AGO2: variants seen among roughly 807,000 people sequenced by gnomAD.
AGO2 encodes protein argonaute-2.
Under a neutral mutation model 102.3 loss-of-function variants are expected in AGO2, and 5 were observed. That is an observed-to-expected ratio of 0.05 (90% CI 0.03 to 0.10). The LOEUF (loss-of-function observed/expected upper bound fraction) is 0.10. Among genes scored for constraint, AGO2 ranks in the 10% least tolerant of loss-of-function variants. The probability of loss-of-function intolerance (pLI) is 1.00; values close to 1 mark genes in which losing one functional copy is unlikely to be tolerated. For synonymous variants in AGO2, 449 were observed against 473.1 expected, an observed-to-expected ratio of 0.95 and a Z score of 0.66; for missense variants, 541 against 1,183.7, an observed-to-expected ratio of 0.46 and a Z score of 7.97.
At chr8:140,621,933 T>C (rs2074222356) in intron 1 of AGO2, among the ~76,000 whole-genome samples, 1 of 152,004 alleles carries the variant, frequency 6.6e-6, no homozygotes, top group South Asian at 2.1e-4. Flanking sequence ...CCATGAGAAA[T>C]GAACACACAC....
At chr8:140,592,585 A>C (rs1303174629) in intron 1 of AGO2, 1 of 152,242 alleles carries the variant, frequency 6.6e-6, no homozygotes, top group African/African-American at 2.4e-5. Flanking sequence ...TTTAGGACAA[A>C]ACCATAAGGT....
In AGO2 at chr8:140,557,006, G is replaced by A. The variant is rs185536866; in HGVS notation, c.1026+83C>T. On this transcript the variant is annotated intron_variant, in intron 8 of 18. Transcript: ENST00000220592. The surrounding 1 kb of genome is among the most constrained non-coding windows in gnomAD (Gnocchi z 5.9). ...GCCATTTGTATCTGACTGGGGCCTC[G>A]GCGGTTTCTCGAAGCTGCATGCCCC... 109 of 1,515,142 alleles carry A rather than the reference G, an allele frequency of 7.2e-5. No individual in the cohort carries two copies. The highest frequency in any genetic ancestry group is 3.9e-4 in the East Asian group (17 of 43,710). 93.9% of individuals were successfully genotyped at this position (1,515,142 alleles called of 1,614,324 possible).
intron 1 of AGO2, among the ~76,000 whole-genome samples, chr8:140,628,775 T>C (rs2074306058): frequency 6.9e-6 from 1 of 145,604 alleles, no homozygotes; most frequent in South Asian, 2.2e-4. Flanking sequence ...AAAATAATAA[T>C]AGCAGCAACA....
chr8:140,533,032 T>C (rs1387152318), intron 17 of AGO2, among the ~76,000 whole-genome samples: 2 of 147,644 alleles, frequency 1.4e-5, no homozygotes, highest in Non-Finnish European at 3.0e-5. Context: ...TAACTACATA[T>C]AGTAAATGGC....
chr8:140,570,472 C>T (rs1343844791), intron 3 of AGO2, among the ~76,000 whole-genome samples: 6 of 152,252 alleles, frequency 3.9e-5, no homozygotes, highest in African/African-American at 9.6e-5. Flanking sequence ...TCAAGTGATC[C>T]GCCTGCCTCG....
At chr8:140,543,852 G>A (rs1381770311) in intron 14 of AGO2, among the ~76,000 whole-genome samples, 2 of 152,166 alleles carry the variant, frequency 1.3e-5, no homozygotes. Flanking sequence ...TCTGGGGTTC[G>A]GGGCTGTGTC....
At chr8:140,571,815 A>G in intron 3 of AGO2, among the ~76,000 whole-genome samples, 1 of 152,194 alleles carries the variant, frequency 6.6e-6, no homozygotes, top group Non-Finnish European at 1.5e-5. Context: ...GCACGATATC[A>G]GCTCACCATA....
intron 1 of AGO2, among the ~76,000 whole-genome samples, chr8:140,631,510 C>T (rs1673284919): frequency 6.7e-6 from 1 of 149,652 alleles, no homozygotes; most frequent in Non-Finnish European, 1.5e-5. Flanking sequence ...GCACTTCAGC[C>T]TGGGTGACAG....
chr8:140,580,664 G>T (rs1010339347), intron 2 of AGO2, among the ~76,000 whole-genome samples: 3 of 152,218 alleles, frequency 2.0e-5, no homozygotes, highest in Non-Finnish European at 4.4e-5. Context: ...ATGTGTGAGC[G>T]GGGGGTCTCA....
chr8:140,539,600 G>A lies in AGO2; in HGVS notation c.2035-146C>T, dbSNP rs2072759309. 1.1e-6 allele frequency: 1 copy of A among 933,740 alleles called. No homozygotes were observed. The highest frequency in any genetic ancestry group is 1.6e-6 in the Non-Finnish European group (1 of 634,038). 57.8% of individuals were successfully genotyped at this position (933,740 alleles called of 1,614,324 possible). ...TGTTCACGGGGAGGTGAAAACACGGGGGCAGAAACCATCCTCTCTGCAGGG... is the reference window on the plus strand; with the variant it reads ...TGTTCACGGGGAGGTGAAAACACGGAGGCAGAAACCATCCTCTCTGCAGGG... On this transcript the variant is annotated intron_variant, in intron 15 of 18. Coordinates refer to ENST00000220592, the MANE Select transcript of AGO2 (RefSeq NM_012154.5). This position sits in a 1 kb window ranked among gnomAD's most constrained non-coding sequence, Gnocchi z 4.7.
chr8:140,603,449 G>A (rs1262889752), intron 1 of AGO2, among the ~76,000 whole-genome samples: 1 of 152,180 alleles, frequency 6.6e-6, no homozygotes, highest in African/African-American at 2.4e-5. Flanking sequence ...CCACACTGTT[G>A]TGTAACCAAC....
intron 8 of AGO2, 145 bp downstream of exon 8, chr8:140,556,944 A>C (rs2073106259): frequency 2.4e-6 from 3 of 1,244,344 alleles, no homozygotes; most frequent in Non-Finnish European, 3.4e-6. Flanking sequence ...AACAAAGCCC[A>C]TTAACCCACC....
In AGO2 at chr8:140,556,233, C is replaced by T. The variant is rs1050206392; in HGVS notation, c.1080G>A (p.Gln360=). 8 of 1,614,212 alleles carry T rather than the reference C, an allele frequency of 5.0e-6. No individual in the cohort carries two copies. The highest frequency in any genetic ancestry group is 2.2e-5 in the South Asian group (2 of 91,084). The part of the protein sequence containing the change: ...QRCIKKLTDN[Q]TSTMIRATAR... ...CAGTCGCTCTGATCATGGTTGAGGT[C>T]TGATTGTCCGTTAATTTTTTAATAC... The change falls in exon 9 of 19, where the codon CAG becomes CAA. Residue 360 remains glutamine (Q), a synonymous_variant. Coordinates refer to ENST00000220592, the MANE Select transcript of AGO2 (RefSeq NM_012154.5).
rs2072392230 is a variant in AGO2 at position 140,520,171 on chromosome 8, TTTTA to T, written c.*11869_*11872del. 6.6e-6 allele frequency: 1 copy of T among 152,296 alleles called. No homozygotes were observed. The highest frequency in any genetic ancestry group is 2.1e-4 in the South Asian group (1 of 4,820). The allele number at this position is 152,296 out of a possible 1,614,324, so 9.4% of individuals were successfully genotyped here. On this transcript the variant is annotated 3_prime_UTR_variant, in exon 19 of 19. Coordinates refer to ENST00000220592, the MANE Select transcript of AGO2 (RefSeq NM_012154.5). ...AAGAGGCAGCTGTAAATAGGAGGAC[TTTTA>T]TTTAATTTTTTGCTGACATACTATG...
rs190007304 is a variant in AGO2 at position 140,596,130 on chromosome 8, G to A, written c.23-10819C>T. 3.9e-3 allele frequency among the ~76,000 whole-genome samples: 581 copies of A among 150,428 alleles called. 3 individuals are homozygous for A. The Middle Eastern group carries it at 0.048, about 12-fold the overall frequency. On this transcript the variant is annotated intron_variant, in intron 1 of 18. Transcript: ENST00000220592. ...TCCCAAAGTGTTGGGATTACAGCGT[G>A]AGCCACTGCACATGGCCTGTGCTTC...
chr8:140,554,669 T>A lies in AGO2; in HGVS notation c.1269+1227A>T, dbSNP rs1385092656. Among the ~76,000 whole-genome samples, 5 of 152,160 alleles carry A rather than the reference T, an allele frequency of 3.3e-5. No individual in the cohort carries two copies. The East Asian group carries it at 9.6e-4, about 29-fold the overall frequency. On this transcript the variant is annotated intron_variant, in intron 10 of 18. Transcript: ENST00000220592. ...TTGTATCTTCTGAATTCTGAAACAT[T>A]TAAAAAACAGAACTGTTTTTTTTAA... is the stretch of plus-strand genomic sequence containing the variant.
At chr8:140,532,280 C>T (rs909007797) in intron 18 of AGO2, 128 bp from the exon 19 acceptor site, 32 of 1,375,128 alleles carry the variant, frequency 2.3e-5, no homozygotes, top group South Asian at 1.1e-4. Flanking sequence ...CGCTGACGGC[C>T]GTGCCATTAA....
At chr8:140,532,954 C>A (rs1014728917) in intron 17 of AGO2, among the ~76,000 whole-genome samples, 1 of 149,586 alleles carries the variant, frequency 6.7e-6, no homozygotes, top group South Asian at 2.1e-4. Flanking sequence ...GCCGAGATCA[C>A]GCCACTGCAC....
intron 14 of AGO2, among the ~76,000 whole-genome samples, chr8:140,543,940 C>T (rs1168445374): frequency 3.3e-5 from 5 of 152,204 alleles, no homozygotes; most frequent in African/African-American, 9.7e-5. Flanking sequence ...AGGCCATGTG[C>T]AAGGGGGCCT....
Sources: allele counts gnomAD v4.1 joint callset (sites outside exome capture counted in the v4.1 genomes callset), GRCh38; gene constraint gnomAD v4.1.1; non-coding constraint Gnocchi (gnomAD v3.1); transcripts MANE v1.5; gene names NCBI Gene and HGNC (gene_info 2026-07-23, HGNC 2026-07-21).